The following STAC variants were observed in gnomAD, a reference collection of about 807,000 sequenced individuals.
STAC encodes the protein SH3 and cysteine-rich domain-containing protein.
STAC carries 43 observed loss-of-function variants against 48.8 expected under a neutral mutation model. The observed-to-expected ratio is 0.88, with a 90% confidence interval of 0.69 to 1.14. The LOEUF is 1.14. Ranked by LOEUF, STAC falls within the 50% of genes most tolerant of loss-of-function variation. The probability of loss-of-function intolerance (pLI) is 0.00; values close to 1 mark genes in which losing one functional copy is unlikely to be tolerated. For synonymous variants in STAC, 193 were observed against 179.5 expected (o/e 1.07, Z -0.60); for missense variants, 497 against 504.0 (o/e 0.99, Z 0.13).
intron 8 of STAC, among the ~76,000 whole-genome samples, chr3:36,510,767 T>C (rs1359257824): frequency 6.6e-6 from 1 of 151,676 alleles, no homozygotes; most frequent in Non-Finnish European, 1.5e-5. Context: ...TGAGAACACA[T>C]GGACACAGGG....
chr3:36,432,427 C>T (rs978486349), intron 1 of STAC, among the ~76,000 whole-genome samples: 15 of 152,166 alleles, frequency 9.9e-5, no homozygotes, highest in Non-Finnish European at 2.1e-4. Context: ...TTAGGCCTGG[C>T]GTGGTGGCTC....
At chr3:36,411,614 T>G (rs546871558) in intron 1 of STAC, among the ~76,000 whole-genome samples, 8 of 152,278 alleles carry the variant, frequency 5.3e-5, no homozygotes, top group African/African-American at 1.7e-4. Context: ...ATTAAGACCA[T>G]AGCATCTAAG....
At chr3:36,397,969 A>G (rs1392177087) in intron 1 of STAC, among the ~76,000 whole-genome samples, 1 of 151,632 alleles carries the variant, frequency 6.6e-6, no homozygotes, top group Non-Finnish European at 1.5e-5. Flanking sequence ...ATGATGGGAG[A>G]TATTTAAAAC....
At chr3:36,492,223 G>A (rs997848311) in intron 5 of STAC, among the ~76,000 whole-genome samples, 4 of 150,848 alleles carry the variant, frequency 2.7e-5, no homozygotes, top group Non-Finnish European at 5.9e-5. Context: ...GATTTGAAGC[G>A]TTTGCCAGTT....
chr3:36,449,466 A>T (rs967615988), intron 2 of STAC, among the ~76,000 whole-genome samples: 1 of 152,234 alleles, frequency 6.6e-6, no homozygotes, highest in African/African-American at 2.4e-5. Flanking sequence ...TAAGACTTCA[A>T]TATAAGGTCC....
Position 36,389,972 on chromosome 3 carries a change from G to C in STAC, c.111+9218G>C, listed in dbSNP as rs201720745. ...GTAACTATAATTCTCTTTCATTTGG[G>C]GGGGAAGGGAGTGCAGTGGGTAGGG... On this transcript the variant is annotated intron_variant, in intron 1 of 10. Transcript: ENST00000273183. 4.5e-3 allele frequency among the ~76,000 whole-genome samples: 401 copies of C among 89,200 alleles called. 4 individuals carry two copies. The highest frequency in any genetic ancestry group is 0.013 in the African/African-American group (382 of 28,712). 58.5% of individuals were successfully genotyped at this position (89,200 alleles called of 152,430 possible).
At chr3:36,417,761 A>G (rs1392019866) in intron 1 of STAC, among the ~76,000 whole-genome samples, 2 of 152,214 alleles carry the variant, frequency 1.3e-5, no homozygotes, top group Non-Finnish European at 2.9e-5. Flanking sequence ...GGGACAGATT[A>G]TGTATTATAG....
At chr3:36,499,991 T>G (rs1028115844) in intron 6 of STAC, among the ~76,000 whole-genome samples, 1 of 152,176 alleles carries the variant, frequency 6.6e-6, no homozygotes, top group Non-Finnish European at 1.5e-5. Context: ...AATTCTAAAC[T>G]TGCATATACC....
intron 2 of STAC, among the ~76,000 whole-genome samples, chr3:36,448,701 T>C (rs904444825): frequency 1.3e-5 from 2 of 152,116 alleles, no homozygotes. Flanking sequence ...TTAAACTCAC[T>C]TGGAGTCCCA....
chr3:36,507,300 G>A (rs930020055), intron 8 of STAC, among the ~76,000 whole-genome samples: 6 of 152,250 alleles, frequency 3.9e-5, no homozygotes, highest in Admixed American at 6.5e-5. Context: ...GCTTTTTGTC[G>A]TGCTGCTGGA....
intron 6 of STAC, among the ~76,000 whole-genome samples, chr3:36,503,102 T>A (rs951873238): frequency 1.3e-5 from 2 of 152,152 alleles, no homozygotes; most frequent in Non-Finnish European, 2.9e-5. Context: ...ATCCCCTCCC[T>A]CTACTGACAT....
At chr3:36,496,628 G>C (rs1279981855) in intron 6 of STAC, among the ~76,000 whole-genome samples, 1 of 152,178 alleles carries the variant, frequency 6.6e-6, no homozygotes, top group Non-Finnish European at 1.5e-5. Flanking sequence ...ATCCTTGGCA[G>C]GTCTGAGTAT....
chr3:36,453,940 A>C (rs1696770838), intron 2 of STAC, among the ~76,000 whole-genome samples: 1 of 152,034 alleles, frequency 6.6e-6, no homozygotes. Context: ...TCTGGTGGGG[A>C]CTTGGAGAAC....
intron 8 of STAC, among the ~76,000 whole-genome samples, chr3:36,517,203 G>C (rs146290370): frequency 2.0e-5 from 3 of 152,282 alleles, no homozygotes; most frequent in African/African-American, 7.2e-5. Flanking sequence ...TCCTATCAGG[G>C]TATAGCAGGG....
intron 8 of STAC, among the ~76,000 whole-genome samples, chr3:36,524,789 T>TA (rs953288703): frequency 2.0e-5 from 3 of 151,582 alleles, no homozygotes; most frequent in Admixed American, 6.6e-5. Context: ...ATGGGGGCAG[T>TA]AAAAAATCCC....
chr3:36,459,260 T>C (rs951552004), intron 2 of STAC: 21 of 152,122 alleles, frequency 1.4e-4, no homozygotes, highest in Admixed American at 1.3e-3. Context: ...GGGATACACA[T>C]AAAAACACCT....
At chr3:36,412,487 A>C (rs149992781) in intron 1 of STAC, among the ~76,000 whole-genome samples, 1 of 152,160 alleles carries the variant, frequency 6.6e-6, no homozygotes, top group African/African-American at 2.4e-5. Flanking sequence ...TATACAACTA[A>C]AAGAGTCTGC....
intron 10 of STAC, among the ~76,000 whole-genome samples, chr3:36,532,397 T>A (rs1699093667): frequency 6.6e-6 from 1 of 152,218 alleles, no homozygotes. Flanking sequence ...TTCATCCAGT[T>A]GCTTGTAGAC....
intron 1 of STAC, among the ~76,000 whole-genome samples, chr3:36,413,334 C>T (rs1700239494): frequency 6.6e-6 from 1 of 152,160 alleles, no homozygotes; most frequent in Non-Finnish European, 1.5e-5. Context: ...TCTCTAAGGA[C>T]TTACTTTATG....
Sources: allele counts gnomAD v4.1 joint callset (sites outside exome capture counted in the v4.1 genomes callset), GRCh38; gene constraint gnomAD v4.1.1; transcripts MANE v1.5; gene names NCBI Gene and HGNC (gene_info 2026-07-23, HGNC 2026-07-21).